The following AAK1 variants were observed in gnomAD, a reference collection of about 807,000 sequenced individuals.
AAK1 encodes the protein AP2-associated protein kinase 1.
A neutral mutation model predicts 116.0 loss-of-function variants in AAK1; 37 were observed. The observed-to-expected ratio is 0.32, with a 90% CI of 0.25 to 0.42. The LOEUF is 0.42. AAK1 is among the 10% of genes least tolerant of loss of function. AAK1 has a pLI of 1.00. For missense variants in AAK1, 919 were observed against 1,170.6 expected (o/e 0.79, Z 3.14); for synonymous variants, 458 against 439.9 (o/e 1.04, Z -0.51).
In AAK1 at chr2:69,470,423, T is replaced by G; in HGVS notation, c.*5446A>C. ...TGACCTTCTAGCTCACATAACAAAA[T>G]TAAGCATTTGGTTCCACCATATATT... On this transcript the variant is annotated 3_prime_UTR_variant, in exon 22 of 22. Transcript: ENST00000409085. 6 of 985,372 alleles carry G rather than the reference T, an allele frequency of 6.1e-6. No individual in the cohort carries two copies. The highest frequency in any genetic ancestry group is 6.0e-6 in the Non-Finnish European group (5 of 829,922). The allele number at this position is 985,372 out of a possible 1,614,324, so 61.0% of individuals were successfully genotyped here.
chr2:69,594,007 T>C (rs1673152445), intron 2 of AAK1, among the ~76,000 whole-genome samples: 1 of 152,212 alleles, frequency 6.6e-6, no homozygotes, highest in Non-Finnish European at 1.5e-5. Context: ...AATTCAACAG[T>C]AAATCAAAAG....
intron 3 of AAK1, among the ~76,000 whole-genome samples, chr2:69,550,590 C>T (rs560659040): frequency 2.6e-5 from 4 of 151,576 alleles, no homozygotes; most frequent in Non-Finnish European, 5.9e-5. Flanking sequence ...ACTGCGTGCC[C>T]GGCCTCTTTT....
intron 2 of AAK1, among the ~76,000 whole-genome samples, chr2:69,640,963 G>A (rs1675695767): frequency 6.6e-6 from 1 of 152,206 alleles, no homozygotes; most frequent in African/African-American, 2.4e-5. Flanking sequence ...GCCTAGCACA[G>A]CACCTGGCAC....
chr2:69,617,565 G>T (rs1674393375), intron 2 of AAK1, among the ~76,000 whole-genome samples: 1 of 152,224 alleles, frequency 6.6e-6, no homozygotes, highest in South Asian at 2.1e-4. Context: ...AGGAGTCCAA[G>T]TTGGGTCAGG....
In AAK1 at chr2:69,472,676, A is replaced by G. The variant is rs1011330819; in HGVS notation, c.*3193T>C. The G allele has an allele frequency of 2.2e-5, 22 of 985,436 alleles. No individual in the cohort carries two copies. The East Asian group carries it at 2.2e-3, about 96-fold the overall frequency. 61.0% of individuals were successfully genotyped at this position (985,436 alleles called of 1,614,324 possible). On this transcript the variant is annotated 3_prime_UTR_variant, in exon 22 of 22. Transcript: ENST00000409085. ...TTGTAAAGGGAAAAATCAATTTGTC[A>G]TGTTTTCTGCTATAGTTACTCCTCT...
chr2:69,481,938 T>A (rs1673806519), intron 18 of AAK1: 1 of 152,270 alleles, frequency 6.6e-6, no homozygotes, highest in Non-Finnish European at 1.5e-5. Flanking sequence ...CCCAAAGAGC[T>A]GGTAGCACAG....
chr2:69,547,328 TATGGA>T (rs1476215727), intron 3 of AAK1, among the ~76,000 whole-genome samples: 28 of 152,132 alleles, frequency 1.8e-4, no homozygotes, highest in African/African-American at 6.8e-4. Flanking sequence ...AAAAACAACA[TATGGA>T]ATGGAAGAAA....
chr2:69,544,330 G>T, intron 4 of AAK1, 106 bp downstream of exon 4: 3 of 826,830 alleles, frequency 3.6e-6, no homozygotes, highest in South Asian at 3.1e-5. Flanking sequence ...TGTCAAACCA[G>T]AACATATCAT....
chr2:69,480,634 G>T (rs1168383849), intron 19 of AAK1, among the ~76,000 whole-genome samples: 1 of 152,076 alleles, frequency 6.6e-6, no homozygotes, highest in Non-Finnish European at 1.5e-5. Flanking sequence ...AAAGCCCAGA[G>T]ATCACTCCAC....
At chr2:69,505,429 C>T (rs1676146083) in intron 16 of AAK1, 140 bp downstream of exon 16, 1 of 421,560 alleles carries the variant, frequency 2.4e-6, no homozygotes, top group Non-Finnish European at 4.1e-6. Flanking sequence ...ATTAAATAGA[C>T]CATGAAAAAC....
intron 5 of AAK1, among the ~76,000 whole-genome samples, chr2:69,532,984 T>G (rs1286129802): frequency 6.6e-6 from 1 of 152,098 alleles, no homozygotes; most frequent in Non-Finnish European, 1.5e-5. Context: ...ACTCAAGGTG[T>G]ACTGATTTTG....
At chr2:69,570,634 G>A (rs1003208093) in intron 2 of AAK1, among the ~76,000 whole-genome samples, 1 of 152,102 alleles carries the variant, frequency 6.6e-6, no homozygotes, top group Non-Finnish European at 1.5e-5. Flanking sequence ...AATAAAACTA[G>A]CAAGGAGAGC....
At chr2:69,499,424 C>CTTTT (rs1455074279) in intron 16 of AAK1, among the ~76,000 whole-genome samples, 1 of 152,186 alleles carries the variant, frequency 6.6e-6, no homozygotes, top group Non-Finnish European at 1.5e-5. Context: ...CTGGGACTTT[C>CTTTT]ACTTCCCCCA....
chr2:69,533,753 T>G (rs1483883277), intron 5 of AAK1, among the ~76,000 whole-genome samples: 2 of 152,222 alleles, frequency 1.3e-5, no homozygotes, highest in African/African-American at 4.8e-5. Flanking sequence ...CACTTTAATC[T>G]ATAATTTTGA....
chr2:69,498,524 C>T (rs1675843061), intron 16 of AAK1, among the ~76,000 whole-genome samples: 1 of 152,152 alleles, frequency 6.6e-6, no homozygotes, highest in Non-Finnish European at 1.5e-5. Context: ...ACCTCCCCTG[C>T]CCCCGAGAGC....
In AAK1 at chr2:69,462,638, T is replaced by A. The variant is rs1218198177; in HGVS notation, c.*13231A>T. ...TTGCAGTGAGCCGAGATCACACCAC[T>A]GCACTCCCGCCTGAGCGACAGAGCA... On this transcript the variant is annotated 3_prime_UTR_variant, in exon 22 of 22. Transcript: ENST00000409085. 6.6e-6 allele frequency: 1 copy of A among 150,734 alleles called. No individual in the cohort carries two copies. The highest frequency in any genetic ancestry group is 2.0e-4 in the East Asian group (1 of 5,124). 9.3% of individuals were successfully genotyped at this position (150,734 alleles called of 1,614,324 possible).
In AAK1 at chr2:69,556,953, C is replaced by T. The variant is rs747863164; in HGVS notation, c.189G>A (p.Val63=). ...AEGGFAIVFL[V]RTSNGMKCAL... is the part of the protein sequence containing the mutation. ...CACATTTCATCCCATTGCTTGTCCTCACCAGAAATACAATAGCAAATCCAC... is the reference window on the plus strand; with the variant it reads ...CACATTTCATCCCATTGCTTGTCCTTACCAGAAATACAATAGCAAATCCAC... The change falls in exon 3 of 22, where the codon GTG becomes GTA. Residue 63 remains valine, a synonymous_variant. Transcript: ENST00000409085. The T allele has an allele frequency of 6.2e-7, 1 of 1,613,802 alleles. No homozygotes were observed. The highest frequency in any genetic ancestry group is 1.1e-5 in the South Asian group (1 of 91,076).
Position 69,465,931 on chromosome 2 carries a change from C to A in AAK1, c.*9938G>T. 1.5e-6 allele frequency: 2 copies of A among 1,290,770 alleles called. No homozygotes were observed. Among genetic ancestry groups the A allele is most frequent in the Non-Finnish European group, 2.0e-6 (2 of 988,850 alleles). 80.0% of individuals were successfully genotyped at this position (1,290,770 alleles called of 1,614,324 possible). A position where few individuals can be genotyped will look rare whatever the true frequency, so the allele number is the denominator to read the frequency against. ...AGGAGACCGGTCTGTGCAGGCAGCT[C>A]CTGGGAGGTGCATTGGATAACTGTT... is the stretch of plus-strand genomic sequence containing the variant. On this transcript the variant is annotated 3_prime_UTR_variant, in exon 22 of 22. Transcript: ENST00000409085.
At chr2:69,478,154 C>G (rs7582735) in intron 20 of AAK1, among the ~76,000 whole-genome samples, 1 of 152,268 alleles carries the variant, frequency 6.6e-6, no homozygotes, top group South Asian at 2.1e-4. Context: ...CTTGCAAGGA[C>G]TGACTTTTGA....
Sources: allele counts gnomAD v4.1 joint callset (sites outside exome capture counted in the v4.1 genomes callset), GRCh38; gene constraint gnomAD v4.1.1; transcripts MANE v1.5; gene names NCBI Gene and HGNC (gene_info 2026-07-23, HGNC 2026-07-21).